F2RL1: variants seen among roughly 807,000 people sequenced by gnomAD.
F2RL1 encodes proteinase-activated receptor 2.
In F2RL1, 16 loss-of-function variants were observed where a neutral mutation model predicts 21.7. That is an observed-to-expected ratio of 0.74 (90% CI 0.50 to 1.12). The LOEUF (loss-of-function observed/expected upper bound fraction) is 1.12, where lower values mean the gene tolerates loss of function less well. Among genes scored for constraint, F2RL1 ranks in the 50% most tolerant of loss-of-function variants. The pLI is 0.00. For synonymous variants in F2RL1, 181 were observed against 186.7 expected, an observed-to-expected ratio of 0.97 and a Z score of 0.25; for missense variants, 432 against 477.8, an observed-to-expected ratio of 0.90 and a Z score of 0.89.
rs70982643 is a variant in F2RL1 at position 76,827,600 on chromosome 5, C to CTTT, written c.83-5070_83-5068dup. Among the ~76,000 whole-genome samples, 853 of 104,898 alleles carry CTTT rather than the reference C, an allele frequency of 8.1e-3. 8 individuals are homozygous for CTTT. Among genetic ancestry groups the CTTT allele is most frequent in the African/African-American group, 9.8e-3 (258 of 26,332 alleles). 68.8% of individuals were successfully genotyped at this position (104,898 alleles called of 152,430 possible). ...GTGGAGCTACTGGGTCATATAGTAACTTTTTTTTTTTTTTTTTTTTTTGAG... is the reference window on the plus strand; with the variant it reads ...GTGGAGCTACTGGGTCATATAGTAACTTTTTTTTTTTTTTTTTTTTTTTTTGAG... On this transcript the variant is annotated intron_variant, in intron 1 of 1. Coordinates refer to ENST00000296677, the MANE Select transcript of F2RL1 (RefSeq NM_005242.6).
At chr5:76,821,469 C>A (rs1045596084) in intron 1 of F2RL1, among the ~76,000 whole-genome samples, 8 of 151,866 alleles carry the variant, frequency 5.3e-5, no homozygotes, top group African/African-American at 1.9e-4. Context: ...CTGCCACTTA[C>A]TTATTTTTTT....
rs1244048845 is a variant in F2RL1 at position 76,834,645 on chromosome 5, T to G, written c.*844T>G. The G allele has an allele frequency of 1.3e-5, 2 of 152,086 alleles. No individual in the cohort carries two copies. Among genetic ancestry groups the G allele is most frequent in the Non-Finnish European group, 2.9e-5 (2 of 68,020 alleles). The allele number at this position is 152,086 out of a possible 1,614,324, so 9.4% of individuals were successfully genotyped here. On this transcript the variant is annotated 3_prime_UTR_variant, in exon 2 of 2. Coordinates refer to ENST00000296677, the MANE Select transcript of F2RL1 (RefSeq NM_005242.6). ...GCTTGGGTGATAAAATAAAATAAAA[T>G]AGTCGTGAATCTTGTTCAAAATGCA...
Position 76,832,907 on chromosome 5 carries a change from T to C in F2RL1, c.300T>C (p.Phe100=), listed in dbSNP as rs1750376611. The change falls in exon 2 of 2, where the codon TTT becomes TTC. Residue 100 remains phenylalanine (F), a synonymous_variant. Coordinates refer to ENST00000296677, the MANE Select transcript of F2RL1 (RefSeq NM_005242.6). The part of the protein sequence containing the change: ...LPSNGMALWV[F]LFRTKKKHPA... ...GTAACGGCATGGCCCTGTGGGTCTTTCTTTTCCGAACTAAGAAGAAGCACC... is the reference window on the plus strand; with the variant it reads ...GTAACGGCATGGCCCTGTGGGTCTTCCTTTTCCGAACTAAGAAGAAGCACC... 2.5e-6 allele frequency: 4 copies of C among 1,614,234 alleles called. No individual in the cohort carries two copies. Among genetic ancestry groups the C allele is most frequent in the Middle Eastern group, 1.6e-4 (1 of 6,062 alleles).
chr5:76,826,888 C>G (rs1414055948), intron 1 of F2RL1, among the ~76,000 whole-genome samples: 3 of 151,224 alleles, frequency 2.0e-5, no homozygotes, highest in African/African-American at 4.9e-5. Flanking sequence ...TTTTTTGAGA[C>G]AGGGTCCTGC....
chr5:76,822,951 G>A (rs1307808560), intron 1 of F2RL1, among the ~76,000 whole-genome samples: 1 of 152,172 alleles, frequency 6.6e-6, no homozygotes, highest in East Asian at 1.9e-4. Context: ...AAAGTTTTAG[G>A]CCAAGCGTGG....
intron 1 of F2RL1, among the ~76,000 whole-genome samples, chr5:76,829,178 TTA>T (rs1396599297): frequency 6.6e-6 from 1 of 152,008 alleles, no homozygotes; most frequent in Non-Finnish European, 1.5e-5. Flanking sequence ...GGTACACACA[TTA>T]TATGACTGAT....
chr5:76,823,841 C>A (rs1750186856), intron 1 of F2RL1, among the ~76,000 whole-genome samples: 1 of 131,338 alleles, frequency 7.6e-6, no homozygotes, highest in Non-Finnish European at 1.6e-5. Context: ...GAGACGGAGT[C>A]TTGCCGTGTC....
At position 76,833,056 on chromosome 5, in the gene F2RL1, T is replaced by A. The variant is rs911196876; in HGVS notation, c.449T>A (p.Val150Glu). 6.2e-7 allele frequency: 1 copy of A among 1,614,260 alleles called. No individual in the cohort carries two copies. Among genetic ancestry groups the A allele is most frequent in the Admixed American group, 1.7e-5 (1 of 60,034 alleles). ...ATTTATGGGGAAGCTCTTTGTAATG[T>A]GCTTATTGGCTTTTTCTATGGCAAC... ...NWIYGEALCN[V>E]LIGFFYGNMY... The change falls in exon 2 of 2, where the codon GTG becomes GAG. Residue 150 changes from valine to glutamate, a missense_variant. Coordinates refer to ENST00000296677, the MANE Select transcript of F2RL1 (RefSeq NM_005242.6).
At position 76,832,893 on chromosome 5, in the gene F2RL1, G is replaced by T; in HGVS notation, c.286G>T (p.Ala96Ser). The T allele has an allele frequency of 6.2e-7, 1 of 1,614,226 alleles. No homozygotes were observed. Among genetic ancestry groups the T allele is most frequent in the Non-Finnish European group, 8.5e-7 (1 of 1,180,046 alleles). The change falls in exon 2 of 2, where the codon GCC (alanine) becomes TCC (serine). Residue 96 changes from alanine (A) to serine (S), a missense_variant. Ala to Ser is a moderately conservative substitution (Grantham distance 99). Coordinates refer to ENST00000296677, the MANE Select transcript of F2RL1 (RefSeq NM_005242.6). ...GGTGGGTTTGCCAAGTAACGGCATG[G>T]CCCTGTGGGTCTTTCTTTTCCGAAC... ...FVVGLPSNGM[A>S]LWVFLFRTKK...
chr5:76,825,629 C>G (rs1166041309), intron 1 of F2RL1, among the ~76,000 whole-genome samples: 1 of 152,030 alleles, frequency 6.6e-6, no homozygotes, highest in Non-Finnish European at 1.5e-5. Flanking sequence ...ATGATTTTAC[C>G]TGGTTGACAA....
At position 76,833,186 on chromosome 5, in the gene F2RL1, C is replaced by T; in HGVS notation, c.579C>T (p.Gly193=). The change falls in exon 2 of 2, where the codon GGC becomes GGT. Residue 193 remains glycine (G), a synonymous_variant. Transcript: ENST00000296677. ...GGAAGAAGGCAAACATTGCCATTGG[C>T]ATCTCCCTGGCAATATGGCTGCTGA... The part of the protein sequence containing the change: ...HSRKKANIAI[G]ISLAIWLLIL... 4 of 1,614,094 alleles carry T rather than the reference C, an allele frequency of 2.5e-6. No individual in the cohort carries two copies. The highest frequency in any genetic ancestry group is 3.4e-6 in the Non-Finnish European group (4 of 1,179,964).
intron 1 of F2RL1, among the ~76,000 whole-genome samples, chr5:76,829,003 C>G (rs2243048): frequency 0.012 from 1,826 of 152,068 alleles, 39 homozygotes; most frequent in African/African-American, 0.041. Flanking sequence ...GTAATCCCAG[C>G]TCCTTGGGAA....
rs1243516283 is a variant in F2RL1 at position 76,819,054 on chromosome 5, C to T, written c.-129C>T. The T allele has an allele frequency of 4.1e-6, 3 of 733,982 alleles. No individual in the cohort carries two copies. Among genetic ancestry groups the T allele is most frequent in the East Asian group, 5.7e-5 (2 of 35,090 alleles). 45.5% of individuals were successfully genotyped at this position (733,982 alleles called of 1,614,324 possible). On this transcript the variant is annotated 5_prime_UTR_variant, in exon 1 of 2. Coordinates refer to ENST00000296677, the MANE Select transcript of F2RL1 (RefSeq NM_005242.6). Reference sequence around the variant, plus strand: ...TGAAACCTAACCCGCCCTGGGGAGGCGCGCAGCAGAGGCTCCGATTCGGGG... The same window carrying T: ...TGAAACCTAACCCGCCCTGGGGAGGTGCGCAGCAGAGGCTCCGATTCGGGG...
intron 1 of F2RL1, among the ~76,000 whole-genome samples, chr5:76,824,244 A>G (rs1188063530): frequency 8.1e-6 from 1 of 124,054 alleles, no homozygotes; most frequent in Non-Finnish European, 1.6e-5. Flanking sequence ...GCTCACCCCC[A>G]GCTAATTTTT....
chr5:76,834,139 A>C lies in F2RL1; in HGVS notation c.*338A>C. ...TTCTCAGCTGAAATTATATATATAC[A>C]CATATATATATTTTACATCTGGGAT... On this transcript the variant is annotated 3_prime_UTR_variant, in exon 2 of 2. Transcript: ENST00000296677. 7.7e-6 allele frequency: 1 copy of C among 130,544 alleles called. No individual in the cohort carries two copies. The highest frequency in any genetic ancestry group is 1.3e-4 in the East Asian group (1 of 7,500). The allele number at this position is 130,544 out of a possible 1,614,324, so 8.1% of individuals were successfully genotyped here.
chr5:76,833,089 G>A lies in F2RL1; in HGVS notation c.482G>A (p.Cys161Tyr), dbSNP rs997312023. The A allele has an allele frequency of 2.5e-6, 4 of 1,614,176 alleles. No individual in the cohort carries two copies. The highest frequency in any genetic ancestry group is 3.3e-5 in the Admixed American group (2 of 60,018). Residue 161 changes from cysteine (C) to tyrosine (Y), a missense_variant, in exon 2 of 2, where the codon TGT becomes TAT. Physicochemically the swap from Cys to Tyr is radical, Grantham distance 194. Coordinates refer to ENST00000296677, the MANE Select transcript of F2RL1 (RefSeq NM_005242.6). The part of the protein sequence containing the change: ...LIGFFYGNMY[C>Y]SILFMTCLSV... Reference sequence around the variant, plus strand: ...GGCTTTTTCTATGGCAACATGTACTGTTCCATTCTCTTCATGACCTGCCTC... The same window carrying A: ...GGCTTTTTCTATGGCAACATGTACTATTCCATTCTCTTCATGACCTGCCTC...
chr5:76,831,605 A>G (rs1750349732), intron 1 of F2RL1, among the ~76,000 whole-genome samples: 2 of 139,330 alleles, frequency 1.4e-5, no homozygotes, highest in South Asian at 4.5e-4. Context: ...ATGATCTTGG[A>G]TCACTGCAAC....
intron 1 of F2RL1, among the ~76,000 whole-genome samples, chr5:76,825,856 G>T (rs1044677126): frequency 3.3e-5 from 5 of 151,842 alleles, no homozygotes; most frequent in Non-Finnish European, 7.4e-5. Flanking sequence ...CTAAGAAAAA[G>T]TTCCTTTTTA....
rs748950390 is a variant in F2RL1, at chr5:76,832,670, T to G, written c.83-20T>G. On this transcript the variant is annotated intron_variant, in intron 1 of 1. Coordinates refer to ENST00000296677, the MANE Select transcript of F2RL1 (RefSeq NM_005242.6). ...AAACATTTATTTCTGTAATGACCCTTGTCTTCCTTTCTTGTACAGGAACCA... is the reference window on the plus strand; with the variant it reads ...AAACATTTATTTCTGTAATGACCCTGGTCTTCCTTTCTTGTACAGGAACCA... 6.4e-7 allele frequency: 1 copy of G among 1,568,622 alleles called. No homozygotes were observed. Among genetic ancestry groups the G allele is most frequent in the Non-Finnish European group, 8.6e-7 (1 of 1,156,756 alleles).
Sources: allele counts gnomAD v4.1 joint callset (sites outside exome capture counted in the v4.1 genomes callset), GRCh38; gene constraint gnomAD v4.1.1; transcripts MANE v1.5; gene names NCBI Gene and HGNC (gene_info 2026-07-23, HGNC 2026-07-21).